CNTNAP5: variants seen among roughly 807,000 people sequenced by gnomAD.
The protein encoded by CNTNAP5 is contactin associated protein family member 5.
A neutral mutation model predicts 150.2 loss-of-function variants in CNTNAP5; 72 were observed. That is an observed-to-expected ratio of 0.48 (90% CI 0.40 to 0.58). CNTNAP5 has a LOEUF of 0.58. CNTNAP5 is among the 20% of genes least tolerant of loss of function. The pLI is 0.00. For synonymous variants in CNTNAP5, 672 were observed against 619.8 expected, an observed-to-expected ratio of 1.08 and a Z score of -1.25; for missense variants, 1,636 against 1,626.2, an observed-to-expected ratio of 1.01 and a Z score of -0.10.
intron 16 of CNTNAP5, among the ~76,000 whole-genome samples, chr2:124,766,365 C>G (rs1383140912): frequency 6.9e-6 from 1 of 145,430 alleles, no homozygotes; most frequent in Non-Finnish European, 1.5e-5. Flanking sequence ...CATGTCTTAG[C>G]AACAGAAATT....
intron 12 of CNTNAP5, among the ~76,000 whole-genome samples, chr2:124,625,795 G>A (rs538350295): frequency 1.3e-5 from 2 of 152,304 alleles, no homozygotes; most frequent in Admixed American, 6.5e-5. Context: ...AATGTAAGCT[G>A]CTGGTCCACA....
rs374079431 is a variant in CNTNAP5 at position 124,685,739 on chromosome 2, A to AGTGT, written c.2077+37801_2077+37804dup. ...CTGTAGACACCCAATATCTAAAGTA[A>AGTGT]GTGTGTGTGTGTGTGTGTGTGTGCG... On this transcript the variant is annotated intron_variant, in intron 13 of 23. Transcript: ENST00000682447. Among the ~76,000 whole-genome samples, 1,303 of 130,778 alleles carry AGTGT rather than the reference A, an allele frequency of 1.0e-2. 16 individuals are homozygous for AGTGT. Among genetic ancestry groups the AGTGT allele is most frequent in the African/African-American group, 0.033 (1,220 of 37,064 alleles). 85.8% of individuals were successfully genotyped at this position (130,778 alleles called of 152,430 possible). A position where few individuals can be genotyped will look rare whatever the true frequency, so the allele number is the denominator to read the frequency against.
intron 17 of CNTNAP5, among the ~76,000 whole-genome samples, chr2:124,785,050 AAAAAAAACAAAAG>A (rs992924299): frequency 6.6e-6 from 1 of 150,948 alleles, no homozygotes; most frequent in Non-Finnish European, 1.5e-5. Flanking sequence ...AGAAAAAAAA[AAAAAAAACAAAAG>A]AAAAAGAAAA....
At chr2:124,447,840 A>G (rs2920059) in intron 6 of CNTNAP5, among the ~76,000 whole-genome samples, 70,131 of 151,916 alleles carry the variant, frequency 0.46, 16,324 homozygotes, top group Middle Eastern at 0.59. Flanking sequence ...AAAAATGTCA[A>G]ACAGTCCAGT....
At chr2:124,685,556 G>A (rs1432519233) in intron 13 of CNTNAP5, among the ~76,000 whole-genome samples, 2 of 152,110 alleles carry the variant, frequency 1.3e-5, no homozygotes, top group African/African-American at 2.4e-5. Flanking sequence ...GCCAACAAAA[G>A]CAGTTTTATG....
chr2:124,391,813 G>A (rs1691117264), intron 3 of CNTNAP5, among the ~76,000 whole-genome samples: 1 of 152,036 alleles, frequency 6.6e-6, no homozygotes, highest in Non-Finnish European at 1.5e-5. Context: ...AAAATTAGCC[G>A]GGCGCGGTGG....
At chr2:124,084,922 C>CTTTTTTTTTTTTTTTTTTTTTTT (rs1474480684) in intron 1 of CNTNAP5, among the ~76,000 whole-genome samples, 1 of 18,218 alleles carries the variant, frequency 5.5e-5, no homozygotes. Context: ...TTCAAGTTTC[C>CTTTTTTTTTTTTTTTTTTTTTTT]TGTTTTTTTT....
chr2:124,648,942 A>T (rs1417377620), intron 13 of CNTNAP5, among the ~76,000 whole-genome samples: 1 of 152,246 alleles, frequency 6.6e-6, no homozygotes, highest in Non-Finnish European at 1.5e-5. Flanking sequence ...CAAAGGGGAA[A>T]TCATAGAAAC....
At chr2:124,485,496 C>T (rs984364853) in intron 7 of CNTNAP5, among the ~76,000 whole-genome samples, 3 of 151,260 alleles carry the variant, frequency 2.0e-5, no homozygotes, top group Non-Finnish European at 4.4e-5. Flanking sequence ...ACCTGTAGTC[C>T]CAGTTACTCA....
chr2:124,767,540 A>G (rs1681093863), intron 16 of CNTNAP5, among the ~76,000 whole-genome samples: 1 of 152,188 alleles, frequency 6.6e-6, no homozygotes, highest in South Asian at 2.1e-4. Context: ...AAGCTAGACT[A>G]GAACCCAATG....
chr2:124,349,910 A>G (rs1449420206), intron 3 of CNTNAP5, among the ~76,000 whole-genome samples: 2 of 86,852 alleles, frequency 2.3e-5, no homozygotes, highest in East Asian at 3.4e-4. Flanking sequence ...TTTGAGACAG[A>G]GTCTAACTAT....
chr2:124,832,796 T>C (rs1372664150), intron 19 of CNTNAP5, among the ~76,000 whole-genome samples: 3 of 152,088 alleles, frequency 2.0e-5, no homozygotes, highest in Admixed American at 6.6e-5. Flanking sequence ...AGACAACAGA[T>C]TCAAGTAGGC....
intron 3 of CNTNAP5, among the ~76,000 whole-genome samples, chr2:124,360,365 T>G (rs1244426845): frequency 1.3e-5 from 2 of 148,828 alleles, no homozygotes; most frequent in Non-Finnish European, 3.0e-5. Flanking sequence ...TGTTAGCCGG[T>G]TATTATGCTC....
intron 10 of CNTNAP5, among the ~76,000 whole-genome samples, chr2:124,530,750 G>A (rs1005262033): frequency 6.6e-6 from 1 of 152,128 alleles, no homozygotes; most frequent in African/African-American, 2.4e-5. Context: ...CACACACTGT[G>A]CCCTGTTCAC....
chr2:124,701,118 G>T (rs1679512411), intron 13 of CNTNAP5, among the ~76,000 whole-genome samples: 1 of 152,024 alleles, frequency 6.6e-6, no homozygotes, highest in Admixed American at 6.6e-5. Flanking sequence ...TGGTCCTCCT[G>T]CATGGCTGCT....
At chr2:124,843,767 G>C (rs1299596554) in intron 19 of CNTNAP5, among the ~76,000 whole-genome samples, 2 of 152,026 alleles carry the variant, frequency 1.3e-5, no homozygotes, top group African/African-American at 4.8e-5. Flanking sequence ...GTTATGTTGA[G>C]TAGTTTTCTA....
chr2:124,274,860 C>G (rs996672900), intron 3 of CNTNAP5, among the ~76,000 whole-genome samples: 2 of 152,134 alleles, frequency 1.3e-5, no homozygotes, highest in African/African-American at 4.8e-5. Flanking sequence ...GGCCATCTGA[C>G]TTCTTTAAGC....
Position 124,808,879 on chromosome 2 carries a change from T to TA in CNTNAP5, c.3217+10560dup, listed in dbSNP as rs1469617290. Among the ~76,000 whole-genome samples, 2 of 152,074 alleles carry TA rather than the reference T, an allele frequency of 1.3e-5. 1 individual carries two copies. On this transcript the variant is annotated intron_variant, in intron 19 of 23. Coordinates refer to ENST00000682447, the MANE Select transcript of CNTNAP5 (RefSeq NM_001367498.1). ...TCCAAAGCTGAAGGCAAGGTGAAGA[T>TA]ACTGGGCTAAATACGGAAATAAAGG... is the stretch of plus-strand genomic sequence containing the variant.
intron 1 of CNTNAP5, among the ~76,000 whole-genome samples, chr2:124,157,794 A>G (rs556060203): frequency 6.6e-6 from 1 of 152,206 alleles, no homozygotes; most frequent in South Asian, 2.1e-4. Flanking sequence ...CTTCCACCCA[A>G]CTGTGTGCTC....
Sources: gnomAD v4.1 joint callset for allele counts (sites outside exome capture counted in the v4.1 genomes callset) on GRCh38, gnomAD v4.1.1 for gene constraint, MANE v1.5 for transcripts, NCBI Gene and HGNC (gene_info 2026-07-23, HGNC 2026-07-21) for gene names.